Variants in MAPKAP1 observed in about 807,000 individuals in gnomAD.
MAPKAP1 encodes MAPK associated protein 1, also known as target of rapamycin complex 2 subunit MAPKAP1.
A neutral mutation model predicts 65.7 loss-of-function variants in MAPKAP1; 20 were observed. The ratio of observed to expected loss-of-function variants is 0.30; its 90% CI spans 0.21 to 0.44. The LOEUF is 0.44. Ranked by LOEUF, MAPKAP1 falls within the 20% of genes least tolerant of loss-of-function variation. The pLI is 1.00. For synonymous variants in MAPKAP1, 222 were observed against 244.3 expected, an observed-to-expected ratio of 0.91 and a Z score of 0.85; for missense variants, 423 against 648.0, an observed-to-expected ratio of 0.65 and a Z score of 3.77.
intron 4 of MAPKAP1, among the ~76,000 whole-genome samples, chr9:125,592,478 T>TA (rs1831992850): frequency 6.6e-6 from 1 of 152,148 alleles, no homozygotes; most frequent in South Asian, 2.1e-4. Flanking sequence ...AAATTGTAAA[T>TA]ATTATAAACT....
chr9:125,570,370 C>T (rs1323154816), intron 5 of MAPKAP1, among the ~76,000 whole-genome samples: 4 of 151,026 alleles, frequency 2.6e-5, no homozygotes, highest in African/African-American at 9.7e-5. Flanking sequence ...CATGAAATGC[C>T]ACTATGGTTC....
chr9:125,468,607 T>C (rs1241802107), intron 9 of MAPKAP1, among the ~76,000 whole-genome samples: 1 of 152,198 alleles, frequency 6.6e-6, no homozygotes, highest in Non-Finnish European at 1.5e-5. Flanking sequence ...AACAACCTTA[T>C]ACACTAAAAA....
intron 3 of MAPKAP1, among the ~76,000 whole-genome samples, chr9:125,668,095 T>C (rs1053396770): frequency 1.3e-5 from 2 of 152,212 alleles, no homozygotes; most frequent in African/African-American, 4.8e-5. Context: ...AGTCATCACT[T>C]AGTAGCAGTC....
intron 7 of MAPKAP1, among the ~76,000 whole-genome samples, chr9:125,539,785 T>G (rs1589269474): frequency 1.3e-5 from 2 of 152,326 alleles, no homozygotes. Flanking sequence ...GATTCTCCAA[T>G]TACAATTTTC....
intron 9 of MAPKAP1, among the ~76,000 whole-genome samples, chr9:125,478,814 G>A (rs750834704): frequency 5.9e-5 from 9 of 152,176 alleles, no homozygotes; most frequent in Non-Finnish European, 1.0e-4. Flanking sequence ...CATAAACCAC[G>A]TTCTTCCAAA....
chr9:125,700,158 C>T (rs1217458013), intron 1 of MAPKAP1, among the ~76,000 whole-genome samples: 2 of 152,202 alleles, frequency 1.3e-5, no homozygotes, highest in Non-Finnish European at 1.5e-5. Flanking sequence ...CAAGTCTGCA[C>T]TTCAGTTCTT....
chr9:125,616,018 T>C (rs1681027154), intron 4 of MAPKAP1, among the ~76,000 whole-genome samples: 1 of 151,736 alleles, frequency 6.6e-6, no homozygotes, highest in Non-Finnish European at 1.5e-5. Flanking sequence ...AATAGTGTGA[T>C]ATTAGCACAG....
chr9:125,473,732 T>G (rs1477226576), intron 9 of MAPKAP1, among the ~76,000 whole-genome samples: 7 of 152,156 alleles, frequency 4.6e-5, no homozygotes, highest in Non-Finnish European at 1.0e-4. Context: ...TAGGTCCTTT[T>G]GTGTACAGAG....
At chr9:125,449,320 C>T (rs1158974371) in intron 10 of MAPKAP1, among the ~76,000 whole-genome samples, 1 of 152,144 alleles carries the variant, frequency 6.6e-6, no homozygotes, top group East Asian at 1.9e-4. Flanking sequence ...TCACATACAT[C>T]CCTGCATATA....
rs1209754854 is a variant in MAPKAP1, at chr9:125,624,553, G to A, written c.498+33098C>T. 2.9e-5 allele frequency among the ~76,000 whole-genome samples: 2 copies of A among 68,266 alleles called. 1 individual carries two copies. Among genetic ancestry groups the A allele is most frequent in the Non-Finnish European group, 6.8e-5 (2 of 29,404 alleles). The allele number at this position is 68,266 out of a possible 152,430, so 44.8% of individuals were successfully genotyped here. A position where few individuals can be genotyped will look rare whatever the true frequency, so the allele number is the denominator to read the frequency against. ...CTGCCCAGCCAGCCGCCCTGTCCGGGAGGGAGGTGGGGGGTTCAGCCCCCC... is the reference window on the plus strand; with the variant it reads ...CTGCCCAGCCAGCCGCCCTGTCCGGAAGGGAGGTGGGGGGTTCAGCCCCCC... On this transcript the variant is annotated intron_variant, in intron 4 of 11. Transcript: ENST00000265960.
intron 9 of MAPKAP1, among the ~76,000 whole-genome samples, chr9:125,473,399 C>T (rs961262856): frequency 1.3e-5 from 2 of 152,186 alleles, no homozygotes; most frequent in African/African-American, 4.8e-5. Flanking sequence ...CCACTTCTGA[C>T]AGCTTCCAGA....
intron 8 of MAPKAP1, among the ~76,000 whole-genome samples, chr9:125,491,052 C>T (rs1053244092): frequency 4.0e-5 from 6 of 151,148 alleles, no homozygotes; most frequent in African/African-American, 1.2e-4. Context: ...GCAGGAGAAT[C>T]GCTTGAAGCC....
chr9:125,607,486 T>C (rs1832472366), intron 4 of MAPKAP1, among the ~76,000 whole-genome samples: 1 of 152,196 alleles, frequency 6.6e-6, no homozygotes, highest in South Asian at 2.1e-4. Flanking sequence ...ATTTCTATTT[T>C]AGAGTTGAAA....
At position 125,595,349 on chromosome 9, in the gene MAPKAP1, T is replaced by G. The variant is rs779526422; in HGVS notation, c.499-9622A>C. On this transcript the variant is annotated intron_variant, in intron 4 of 11. Coordinates refer to ENST00000265960, the MANE Select transcript of MAPKAP1 (RefSeq NM_001006617.3). This position sits in a 1 kb window ranked among gnomAD's most constrained non-coding sequence, Gnocchi z 4.0. ...GTAAACTTAAAAATCTAAAATAACT[T>G]CTAATACACAGAATGTGAACAGATA... Among the ~76,000 whole-genome samples the G allele has an allele frequency of 1.3e-4, 20 of 152,138 alleles. No homozygotes were observed. Among genetic ancestry groups the G allele is most frequent in the Non-Finnish European group, 2.6e-4 (18 of 68,018 alleles).
chr9:125,490,398 G>A (rs1295847071), intron 8 of MAPKAP1, among the ~76,000 whole-genome samples: 1 of 152,072 alleles, frequency 6.6e-6, no homozygotes, highest in African/African-American at 2.4e-5. Flanking sequence ...AATCAGCTGG[G>A]TATGGTGGCA....
chr9:125,458,047 A>C (rs1375849371), intron 10 of MAPKAP1, among the ~76,000 whole-genome samples: 3 of 152,174 alleles, frequency 2.0e-5, no homozygotes, highest in Non-Finnish European at 4.4e-5. Flanking sequence ...AGCTGAGGTG[A>C]TCATCAGTCT....
chr9:125,595,927 G>C lies in MAPKAP1; in HGVS notation c.499-10200C>G, dbSNP rs1169584369. 1 of 1,305,578 alleles carries C rather than the reference G, an allele frequency of 7.7e-7. No individual in the cohort carries two copies. The highest frequency in any genetic ancestry group is 1.1e-6 in the Non-Finnish European group (1 of 914,124). The allele number at this position is 1,305,578 out of a possible 1,614,324, so 80.9% of individuals were successfully genotyped here. ...TGGATCGGAGTTGTGGAACCAAAGA[G>C]AGCTGTCTCAAGAGAAGATTCTCAA... On this transcript the variant is annotated intron_variant, in intron 4 of 11. Coordinates refer to ENST00000265960, the MANE Select transcript of MAPKAP1 (RefSeq NM_001006617.3). The surrounding 1 kb of genome is among the most constrained non-coding windows in gnomAD (Gnocchi z 4.0).
intron 1 of MAPKAP1, among the ~76,000 whole-genome samples, chr9:125,677,226 G>A (rs1369435816): frequency 6.6e-6 from 1 of 152,026 alleles, no homozygotes; most frequent in Non-Finnish European, 1.5e-5. Context: ...ATCACTTGTG[G>A]TCAGGAGTTT....
chr9:125,576,888 G>A (rs367699235), intron 5 of MAPKAP1, among the ~76,000 whole-genome samples: 52 of 152,048 alleles, frequency 3.4e-4, no homozygotes, highest in African/African-American at 1.2e-3. Flanking sequence ...CCTCCCAGCC[G>A]CCTGCCTTGG....
Sources: allele counts gnomAD v4.1 joint callset (sites outside exome capture counted in the v4.1 genomes callset), GRCh38; gene constraint gnomAD v4.1.1; non-coding constraint Gnocchi (gnomAD v3.1); transcripts MANE v1.5; gene names NCBI Gene and HGNC (gene_info 2026-07-23, HGNC 2026-07-21).